Variants in TAFA2 observed in about 807,000 individuals in gnomAD.
TAFA2 encodes the protein chemokine-like protein TAFA-2.
Under a neutral mutation model 18.8 loss-of-function variants are expected in TAFA2, and 7 were observed. The observed-to-expected ratio is 0.37, with a 90% CI of 0.21 to 0.70. The LOEUF (loss-of-function observed/expected upper bound fraction) is 0.70. Among genes scored for constraint, TAFA2 ranks in the 30% least tolerant of loss-of-function variants. TAFA2 has a pLI of 0.53. For missense variants in TAFA2, 122 were observed against 158.1 expected (o/e 0.77, Z 1.23); for synonymous variants, 60 against 54.2 (o/e 1.11, Z -0.47).
chr12:61,788,185 G>C (rs578167246), intron 2 of TAFA2, among the ~76,000 whole-genome samples: 1 of 151,602 alleles, frequency 6.6e-6, no homozygotes, highest in East Asian at 1.9e-4. Context: ...TCCAGTGCTG[G>C]ACCACCCAAA....
At chr12:62,148,910 C>G (rs146068345) in intron 1 of TAFA2, among the ~76,000 whole-genome samples, 1 of 152,234 alleles carries the variant, frequency 6.6e-6, no homozygotes, top group African/African-American at 2.4e-5. Flanking sequence ...TTGAGGTATT[C>G]ATGGATTTTT....
At chr12:62,111,491 T>C (rs1869728704) in intron 1 of TAFA2, among the ~76,000 whole-genome samples, 1 of 152,220 alleles carries the variant, frequency 6.6e-6, no homozygotes, top group Non-Finnish European at 1.5e-5. Context: ...TTTCTGTAGA[T>C]GTCTATTAGG....
chr12:62,241,798 CT>C (rs1346143174), intron 1 of TAFA2, among the ~76,000 whole-genome samples: 1 of 152,206 alleles, frequency 6.6e-6, no homozygotes, highest in Non-Finnish European at 1.5e-5. Flanking sequence ...ATCCTATAGA[CT>C]TCTAATCTCA....
At chr12:61,786,976 T>C (rs189864386) in intron 2 of TAFA2, among the ~76,000 whole-genome samples, 3 of 151,534 alleles carry the variant, frequency 2.0e-5, no homozygotes, top group Admixed American at 6.6e-5. Flanking sequence ...ATGGGACTAA[T>C]AGAAAACAAA....
intron 1 of TAFA2, among the ~76,000 whole-genome samples, chr12:62,110,074 C>CCAGCT (rs1565747509): frequency 6.6e-6 from 1 of 151,964 alleles, no homozygotes; most frequent in Admixed American, 6.6e-5. Context: ...AAAGGTAATG[C>CCAGCT]TCCAGCTTTT....
intron 2 of TAFA2, among the ~76,000 whole-genome samples, chr12:61,855,671 G>A (rs1331725563): frequency 6.6e-6 from 1 of 151,868 alleles, no homozygotes; most frequent in Non-Finnish European, 1.5e-5. Flanking sequence ...TTAAATTTCT[G>A]TATCGTGCAC....
At chr12:61,730,513 T>C (rs1349189580) in intron 4 of TAFA2, among the ~76,000 whole-genome samples, 3 of 151,944 alleles carry the variant, frequency 2.0e-5, no homozygotes, top group African/African-American at 7.2e-5. Flanking sequence ...CCAGGGTAGG[T>C]AGAGAAAGAC....
At chr12:61,907,205 C>T (rs942508118) in intron 1 of TAFA2, among the ~76,000 whole-genome samples, 1 of 152,198 alleles carries the variant, frequency 6.6e-6, no homozygotes, top group Non-Finnish European at 1.5e-5. Context: ...CGGGACATGT[C>T]AGAGACATTC....
At chr12:61,764,230 T>TAGATAGATAGATAGATAGATA (rs1555163229) in intron 2 of TAFA2, among the ~76,000 whole-genome samples, 60 of 150,144 alleles carry the variant, frequency 4.0e-4, no homozygotes, top group East Asian at 8.0e-4. Flanking sequence ...GATGATTGAT[T>TAGATAGATAGATAGATAGATA]GATAGATAGA....
chr12:62,060,808 A>G (rs1882327292), intron 1 of TAFA2, among the ~76,000 whole-genome samples: 1 of 152,202 alleles, frequency 6.6e-6, no homozygotes, highest in Non-Finnish European at 1.5e-5. Context: ...TTTAACAAAA[A>G]CTTTAAAAGT....
chr12:61,710,645 C>T (rs1472598779), intron 4 of TAFA2, among the ~76,000 whole-genome samples: 1 of 151,974 alleles, frequency 6.6e-6, no homozygotes, highest in African/African-American at 2.4e-5. Flanking sequence ...CACAATTATC[C>T]AAGTGAATAT....
At chr12:61,748,114 G>T (rs965240109) in intron 4 of TAFA2, among the ~76,000 whole-genome samples, 7 of 151,766 alleles carry the variant, frequency 4.6e-5, no homozygotes, top group Non-Finnish European at 1.0e-4. Flanking sequence ...CAATTTATGA[G>T]GTTGAGATCA....
chr12:61,879,388 T>C, intron 1 of TAFA2: 1 of 755,982 alleles, frequency 1.3e-6, no homozygotes, highest in South Asian at 1.5e-5. Context: ...AGCAGCCGCT[T>C]CCTACACGAG....
chr12:61,915,710 G>A (rs1403851883), intron 1 of TAFA2, among the ~76,000 whole-genome samples: 2 of 152,184 alleles, frequency 1.3e-5, no homozygotes, highest in Non-Finnish European at 2.9e-5. Context: ...GACTCCGAAA[G>A]CCTGATAGTC....
upstream of TAFA2, among the ~76,000 whole-genome samples, chr12:62,194,356 A>G (rs1194352143): frequency 1.3e-5 from 2 of 151,932 alleles, no homozygotes; most frequent in African/African-American, 2.4e-5. Context: ...ATACATTATA[A>G]TCTTTCTACC....
At chr12:61,713,215 A>G (rs892754687) in intron 4 of TAFA2, among the ~76,000 whole-genome samples, 21 of 152,140 alleles carry the variant, frequency 1.4e-4, no homozygotes, top group African/African-American at 4.8e-4. Flanking sequence ...AAGGTGGCCA[A>G]CTGTTCAAAC....
At chr12:62,034,868 T>A (rs917847689) in intron 1 of TAFA2, among the ~76,000 whole-genome samples, 5 of 152,192 alleles carry the variant, frequency 3.3e-5, no homozygotes, top group Admixed American at 3.3e-4. Context: ...ATTAAATTTT[T>A]AAAAATCAAA....
intron 2 of TAFA2, among the ~76,000 whole-genome samples, chr12:61,851,820 A>AAAATT (rs1873676554): frequency 1.9e-5 from 2 of 103,622 alleles, no homozygotes; most frequent in African/African-American, 3.4e-5. Context: ...AAAAAAAAAC[A>AAAATT]TGTTCTAAGT....
chr12:61,829,940 A>T lies in TAFA2; in HGVS notation c.106+37380T>A, dbSNP rs1351852424. On this transcript the variant is annotated intron_variant, in intron 2 of 4. Transcript: ENST00000416284. ...ACAGTAAGCAATTATTTTATATCACAAACAATGCAATAGCATGTCTTCAAG... is the reference window on the plus strand; with the variant it reads ...ACAGTAAGCAATTATTTTATATCACTAACAATGCAATAGCATGTCTTCAAG... Among the ~76,000 whole-genome samples the T allele has an allele frequency of 2.0e-5, 3 of 151,922 alleles. No homozygotes were observed. In the East Asian group the frequency reaches 5.8e-4, roughly 29 times the overall value.
Sources: gnomAD v4.1 joint callset for allele counts (sites outside exome capture counted in the v4.1 genomes callset) on GRCh38, gnomAD v4.1.1 for gene constraint, MANE v1.5 for transcripts, NCBI Gene and HGNC (gene_info 2026-07-23, HGNC 2026-07-21) for gene names.